The following DLG1 variants were observed in gnomAD, a reference collection of about 807,000 sequenced individuals.
The protein encoded by DLG1 is discs large MAGUK scaffold protein 1.
DLG1 carries 42 observed loss-of-function variants against 123.4 expected under a neutral mutation model. The observed-to-expected ratio is 0.34, with a 90% CI of 0.27 to 0.44. The LOEUF (loss-of-function observed/expected upper bound fraction) is 0.44. Among genes scored for constraint, DLG1 ranks in the 20% least tolerant of loss-of-function variants. The pLI, the probability that DLG1 is intolerant of heterozygous loss-of-function variation, is 1.00. For missense variants in DLG1, 942 were observed against 1,082.6 expected (o/e 0.87, Z 1.82); for synonymous variants, 317 against 356.2 (o/e 0.89, Z 1.24).
intron 3 of DLG1, among the ~76,000 whole-genome samples, chr3:197,286,314 C>T (rs1426109346): frequency 2.0e-5 from 3 of 152,072 alleles, no homozygotes; most frequent in Non-Finnish European, 2.9e-5. Flanking sequence ...CACCAAAGAC[C>T]GGTTTTATGG....
chr3:197,238,991 G>T (rs1316520084), intron 4 of DLG1, among the ~76,000 whole-genome samples: 2 of 151,784 alleles, frequency 1.3e-5, no homozygotes, highest in South Asian at 4.2e-4. Flanking sequence ...TGAGGGCAGA[G>T]ATACACAAAA....
Position 197,051,478 on chromosome 3 carries a change from A to G in DLG1, c.2575+99T>C. The G allele has an allele frequency of 1.4e-5, 12 of 859,564 alleles. No individual in the cohort carries two copies. The South Asian group carries it at 1.5e-4, about 11-fold the overall frequency. 53.2% of individuals were successfully genotyped at this position (859,564 alleles called of 1,614,324 possible). ...CTGGATGATACTAGTTACTACGGGT[A>G]GATGTAGGCATAGTTCAAAATCCAC... is the stretch of plus-strand genomic sequence containing the variant. On this transcript the variant is annotated intron_variant, in intron 24 of 24. Coordinates refer to ENST00000667157, the MANE Select transcript of DLG1 (RefSeq NM_001366207.1).
intron 20 of DLG1, among the ~76,000 whole-genome samples, 168 bp from the exon 21 acceptor site, chr3:197,065,977 C>T (rs375733058): frequency 1.8e-4 from 27 of 152,330 alleles, no homozygotes; most frequent in South Asian, 8.3e-4. Context: ...CTTTTATAAT[C>T]TTGACTCAGA....
chr3:197,297,625 C>A, intron 1 of DLG1: 1 of 1,002,900 alleles, frequency 1.0e-6, no homozygotes, highest in Non-Finnish European at 1.2e-6. Flanking sequence ...GAGAGGGGAC[C>A]AGCGGGACTG....
At chr3:197,195,527 C>T (rs1365806438) in intron 4 of DLG1, among the ~76,000 whole-genome samples, 1 of 152,166 alleles carries the variant, frequency 6.6e-6, no homozygotes, top group African/African-American at 2.4e-5. Context: ...TACATATACA[C>T]CACAGAATAC....
chr3:197,103,678 C>T (rs1764756401), intron 14 of DLG1, among the ~76,000 whole-genome samples: 1 of 150,388 alleles, frequency 6.6e-6, no homozygotes, highest in Non-Finnish European at 1.5e-5. Flanking sequence ...ATAGAACCTC[C>T]CATACTTAAG....
intron 4 of DLG1, among the ~76,000 whole-genome samples, chr3:197,197,452 A>G (rs1459653772): frequency 6.6e-6 from 1 of 152,212 alleles, no homozygotes; most frequent in Non-Finnish European, 1.5e-5. Flanking sequence ...TTCACCTACT[A>G]TTTGGTTATC....
chr3:197,231,516 C>A (rs1432189573), intron 4 of DLG1, among the ~76,000 whole-genome samples: 3 of 152,086 alleles, frequency 2.0e-5, no homozygotes, highest in Admixed American at 6.5e-5. Flanking sequence ...GCTTGGGCAA[C>A]AGAGCGAAAC....
At chr3:197,260,657 C>A (rs142277274) in intron 4 of DLG1, among the ~76,000 whole-genome samples, 2 of 140,584 alleles carry the variant, frequency 1.4e-5, no homozygotes, top group African/African-American at 5.3e-5. Context: ...AGGAAGTCAT[C>A]TGATGAAATG....
chr3:197,267,612 T>G (rs1009079256), intron 4 of DLG1, among the ~76,000 whole-genome samples: 5 of 152,098 alleles, frequency 3.3e-5, no homozygotes, highest in African/African-American at 1.2e-4. Flanking sequence ...CTGACCCTCC[T>G]TCTCCACAGT....
At chr3:197,206,054 C>T (rs990466387) in intron 4 of DLG1, among the ~76,000 whole-genome samples, 3 of 152,106 alleles carry the variant, frequency 2.0e-5, no homozygotes, top group Admixed American at 6.5e-5. Flanking sequence ...CCATTTGTGA[C>T]GTTAATTTCC....
intron 5 of DLG1, among the ~76,000 whole-genome samples, chr3:197,154,502 C>T (rs999993087): frequency 6.6e-6 from 1 of 150,946 alleles, no homozygotes; most frequent in African/African-American, 2.4e-5. Context: ...AGTGAAACCC[C>T]GTCTCTACTA....
intron 22 of DLG1, among the ~76,000 whole-genome samples, chr3:197,062,590 G>C (rs777949443): frequency 2.6e-5 from 4 of 152,026 alleles, no homozygotes; most frequent in Non-Finnish European, 5.9e-5. Flanking sequence ...ATCATTCTTT[G>C]AGTGCTTCCT....
intron 4 of DLG1, among the ~76,000 whole-genome samples, chr3:197,209,277 C>T (rs1398498047): frequency 6.8e-6 from 1 of 146,414 alleles, no homozygotes; most frequent in Non-Finnish European, 1.5e-5. Context: ...GACTTCAAGA[C>T]AGAGTATTTA....
At chr3:197,069,324 A>G in intron 18 of DLG1, 64 bp from the exon 19 acceptor site, 1 of 1,159,020 alleles carries the variant, frequency 8.6e-7, no homozygotes, top group Non-Finnish European at 1.2e-6. Flanking sequence ...CAAATAATCA[A>G]AATGAAATGT....
chr3:197,221,073 T>C (rs151193527), intron 4 of DLG1, among the ~76,000 whole-genome samples: 1 of 152,348 alleles, frequency 6.6e-6, no homozygotes. Flanking sequence ...CTATTAGTGC[T>C]CAGTGAACTG....
At chr3:197,169,235 CCTA>C (rs1312570375) in intron 5 of DLG1, among the ~76,000 whole-genome samples, 2 of 152,154 alleles carry the variant, frequency 1.3e-5, no homozygotes, top group South Asian at 2.1e-4. Context: ...ATTGAATGAG[CCTA>C]CTACTTTTAT....
intron 3 of DLG1, among the ~76,000 whole-genome samples, chr3:197,283,894 C>T (rs151195463): frequency 0.013 from 1,833 of 138,042 alleles, 46 homozygotes; most frequent in African/African-American, 0.047. Context: ...CAGAGTCTCG[C>T]TCTGTCGCCC....
At chr3:197,156,067 G>A (rs1041890626) in intron 5 of DLG1, among the ~76,000 whole-genome samples, 6 of 152,150 alleles carry the variant, frequency 3.9e-5, no homozygotes, top group Non-Finnish European at 8.8e-5. Context: ...TTCATATTTT[G>A]TCTCCTACAT....
Sources: allele counts gnomAD v4.1 joint callset (sites outside exome capture counted in the v4.1 genomes callset), GRCh38; gene constraint gnomAD v4.1.1; transcripts MANE v1.5; gene names NCBI Gene and HGNC (gene_info 2026-07-23, HGNC 2026-07-21).